DLX2: variants seen among roughly 807,000 people sequenced by gnomAD.
DLX2 encodes the protein distal-less homeobox 2.
DLX2 carries 8 observed loss-of-function variants against 27.4 expected under a neutral mutation model. That is an observed-to-expected ratio of 0.29 (90% confidence interval 0.17 to 0.53). The LOEUF (loss-of-function observed/expected upper bound fraction) is 0.53. DLX2 is among the 20% of genes least tolerant of loss of function. The pLI is 0.96. For missense variants in DLX2, 421 were observed against 450.9 expected (o/e 0.93, Z 0.60); for synonymous variants, 210 against 200.8 (o/e 1.05, Z -0.39).
In DLX2 at chr2:172,102,200, G is replaced by T. The variant is rs143444914; in HGVS notation, c.339C>A (p.Thr113=). The change falls in exon 1 of 3, where the codon ACC becomes ACA. Residue 113 remains threonine, a synonymous_variant. Transcript: ENST00000234198. The stretch of plus-strand genomic sequence containing the variant: ...AGGGAGCGTAGGAGGTGTAGGCGGC[G>T]GTGTAGCCCAGGTCATAGCTGCTCT... The part of the protein sequence containing the change: ...SAKSSYDLGY[T]AAYTSYAPYG... The T allele has an allele frequency of 9.9e-6, 16 of 1,614,210 alleles. No individual in the cohort carries two copies. In the African/African-American group the frequency reaches 1.1e-4, roughly 11 times the overall value.
chr2:172,102,081 C>A, intron 1 of DLX2, 58 bp downstream of exon 1: 1 of 1,558,294 alleles, frequency 6.4e-7, no homozygotes, highest in South Asian at 1.2e-5. Flanking sequence ...AACACGTTTA[C>A]CCATCCATCC....
rs1050559959 is a variant in DLX2 at position 172,102,449 on chromosome 2, C to T, written c.90G>A (p.Pro30=). ...SSTYHQHQQP[P]SGGGAGPGGN... ...CACCCGGGCCGGCGCCGCCGCCGCTCGGGGGCTGCTGGTGCTGGTGGTACG... is the reference window on the plus strand; with the variant it reads ...CACCCGGGCCGGCGCCGCCGCCGCTTGGGGGCTGCTGGTGCTGGTGGTACG... Residue 30 remains proline (P), a synonymous_variant, in exon 1 of 3, where the codon CCG becomes CCA. Coordinates refer to ENST00000234198, the MANE Select transcript of DLX2 (RefSeq NM_004405.4). The T allele has an allele frequency of 3.9e-6, 6 of 1,549,542 alleles. No homozygotes were observed. In the African/African-American group the frequency reaches 5.5e-5, roughly 14 times the overall value.
Position 172,102,442 on chromosome 2 carries a change from C to G in DLX2, c.97G>C (p.Gly33Arg), listed in dbSNP as rs1236798470. 2 of 1,549,566 alleles carry G rather than the reference C, an allele frequency of 1.3e-6. No homozygotes were observed. Among genetic ancestry groups the G allele is most frequent in the Non-Finnish European group, 1.7e-6 (2 of 1,146,490 alleles). ...CTGTTGCCACCCGGGCCGGCGCCGC[C>G]GCCGCTCGGGGGCTGCTGGTGCTGG... ...YHQHQQPPSG[G>R]GAGPGGNSSS... is the part of the protein sequence containing the mutation. The change falls in exon 1 of 3, where the codon GGC becomes CGC. Residue 33 changes from glycine to arginine, a missense_variant. Coordinates refer to ENST00000234198, the MANE Select transcript of DLX2 (RefSeq NM_004405.4).
chr2:172,102,092 C>T (rs766272485), intron 1 of DLX2, 47 bp downstream of exon 1: 17 of 1,581,048 alleles, frequency 1.1e-5, no homozygotes, highest in Non-Finnish European at 1.5e-5. Flanking sequence ...CCATCCATCC[C>T]ATTAACTAGA....
chr2:172,102,197 G>A lies in DLX2; in HGVS notation c.342C>T (p.Ala114=), dbSNP rs780423968. Residue 114 remains alanine, a synonymous_variant, in exon 1 of 3, where the codon GCC becomes GCT. Coordinates refer to ENST00000234198, the MANE Select transcript of DLX2 (RefSeq NM_004405.4). ...AKSSYDLGYT[A]AYTSYAPYGT... is the part of the protein sequence containing the mutation. ...CATAGGGAGCGTAGGAGGTGTAGGC[G>A]GCGGTGTAGCCCAGGTCATAGCTGC... 1.9e-6 allele frequency: 3 copies of A among 1,613,128 alleles called. No homozygotes were observed. The highest frequency in any genetic ancestry group is 2.2e-5 in the South Asian group (2 of 91,046).
rs943977596 is a variant in DLX2 at position 172,102,694 on chromosome 2, CGG to C, written c.-158_-157del. 1.2e-5 allele frequency: 8 copies of C among 688,308 alleles called. No individual in the cohort carries two copies. The African/African-American group carries it at 1.5e-4, about 13-fold the overall frequency. 42.6% of individuals were successfully genotyped at this position (688,308 alleles called of 1,614,324 possible). A position where few individuals can be genotyped will look rare whatever the true frequency, so the allele number is the denominator to read the frequency against. Reference sequence around the variant, plus strand: ...GCAACCGTCTAGGCGCCTCCTCCTCCGGGGGAGGCGATCACCGTGCGCTGCTC... The same window carrying C: ...GCAACCGTCTAGGCGCCTCCTCCTCCGGGAGGCGATCACCGTGCGCTGCTC... On this transcript the variant is annotated 5_prime_UTR_variant, in exon 1 of 3. Transcript: ENST00000234198.
intron 1 of DLX2, 36 bp from the exon 2 acceptor site, chr2:172,101,682 C>A (rs775195005): frequency 6.2e-7 from 1 of 1,604,450 alleles, no homozygotes; most frequent in East Asian, 2.2e-5. Context: ...CAGCGCAACC[C>A]AGGGGTCCTG....
Position 172,100,737 on chromosome 2 carries a change from A to AGCTGCCGGCGCC in DLX2, c.781_792dup (p.Gly261_Ser264dup). 1.3e-6 allele frequency: 2 copies of AGCTGCCGGCGCC among 1,549,500 alleles called. No homozygotes were observed. Among genetic ancestry groups the AGCTGCCGGCGCC allele is most frequent in the Non-Finnish European group, 1.7e-6 (2 of 1,152,554 alleles). On this transcript the variant is annotated inframe_insertion, in exon 3 of 3. Coordinates refer to ENST00000234198, the MANE Select transcript of DLX2 (RefSeq NM_004405.4). This position sits in a 1 kb window ranked among gnomAD's most constrained non-coding sequence, Gnocchi z 4.5. ...GCCGCGCTGCTCGGGCTGGAGCCCG[A>AGCTGCCGGCGCC]GCTGCCGGCGCCGCTGCCGCCACTG...
Position 172,100,888 on chromosome 2 carries a change from A to G in DLX2, c.642T>C (p.Gly214=). ...RSKFKKMWKS[G]EIPSEQHPGA... ...CAGGGTGCTGCTCCGAGGGGATCTCACCACTTTTCCACATCTTCTTGAACT... is the reference window on the plus strand; with the variant it reads ...CAGGGTGCTGCTCCGAGGGGATCTCGCCACTTTTCCACATCTTCTTGAACT... The change falls in exon 3 of 3, where the codon GGT becomes GGC. Residue 214 remains glycine, a synonymous_variant. Coordinates refer to ENST00000234198, the MANE Select transcript of DLX2 (RefSeq NM_004405.4). This position sits in a 1 kb window ranked among gnomAD's most constrained non-coding sequence, Gnocchi z 4.5. 1 of 1,612,922 alleles carries G rather than the reference A, an allele frequency of 6.2e-7. No individual in the cohort carries two copies. Among genetic ancestry groups the G allele is most frequent in the South Asian group, 1.1e-5 (1 of 91,050 alleles).
Position 172,102,720 on chromosome 2 carries a change from T to C in DLX2, c.-182A>G. On this transcript the variant is annotated 5_prime_UTR_variant, in exon 1 of 3. Coordinates refer to ENST00000234198, the MANE Select transcript of DLX2 (RefSeq NM_004405.4). ...GGGGGAGGCGATCACCGTGCGCTGC[T>C]CGGGACAGCTGCCTCTGGTCGCATC... The C allele has an allele frequency of 3.4e-6, 2 of 592,006 alleles. No homozygotes were observed. The highest frequency in any genetic ancestry group is 3.2e-5 in the East Asian group (1 of 31,570). 36.7% of individuals were successfully genotyped at this position (592,006 alleles called of 1,614,324 possible). A position where few individuals can be genotyped will look rare whatever the true frequency, so the allele number is the denominator to read the frequency against.
In DLX2 at chr2:172,100,993, C is replaced by A; in HGVS notation, c.586-49G>T. 6.4e-7 allele frequency: 1 copy of A among 1,568,708 alleles called. No homozygotes were observed. Among genetic ancestry groups the A allele is most frequent in the Admixed American group, 2.0e-5 (1 of 50,552 alleles). On this transcript the variant is annotated intron_variant, in intron 2 of 2. Transcript: ENST00000234198. The surrounding 1 kb of genome is among the most constrained non-coding windows in gnomAD (Gnocchi z 4.5). ...TTAGTGGAGGAACCTAGTCTTGGGG[C>A]AGTAGGGGTTCGAAGAGGAGAAAAA...
Position 172,100,997 on chromosome 2 carries a change from A to AG in DLX2, c.586-54dup, listed in dbSNP as rs1691144623. 1 of 1,560,476 alleles carries AG rather than the reference A, an allele frequency of 6.4e-7. No homozygotes were observed. Among genetic ancestry groups the AG allele is most frequent in the African/African-American group, 1.4e-5 (1 of 71,668 alleles). On this transcript the variant is annotated intron_variant, in intron 2 of 2. Coordinates refer to ENST00000234198, the MANE Select transcript of DLX2 (RefSeq NM_004405.4). This position sits in a 1 kb window ranked among gnomAD's most constrained non-coding sequence, Gnocchi z 4.5. ...TGGAGGAACCTAGTCTTGGGGCAGTAGGGGTTCGAAGAGGAGAAAAAAGAA... is the reference window on the plus strand; with the variant it reads ...TGGAGGAACCTAGTCTTGGGGCAGTAGGGGGTTCGAAGAGGAGAAAAAAGAA...
intron 1 of DLX2, among the ~76,000 whole-genome samples, 175 bp downstream of exon 1, chr2:172,101,964 G>A (rs1358113655): frequency 1.3e-5 from 2 of 152,240 alleles, no homozygotes; most frequent in East Asian, 3.8e-4. Context: ...AGAGAGGGAC[G>A]TAACCGGCGA....
chr2:172,101,677 C>A, intron 1 of DLX2, 31 bp from the exon 2 acceptor site: 1 of 1,608,328 alleles, frequency 6.2e-7, no homozygotes, highest in South Asian at 1.1e-5. Context: ...AAGAACAGCG[C>A]AACCCAGGGG....
Position 172,100,301 on chromosome 2 carries a change from G to A in DLX2, c.*242C>T, listed in dbSNP as rs1691129198. The A allele has an allele frequency of 4.8e-6, 2 of 421,006 alleles. No homozygotes were observed. The highest frequency in any genetic ancestry group is 8.3e-6 in the Non-Finnish European group (2 of 241,408). 26.1% of individuals were successfully genotyped at this position (421,006 alleles called of 1,614,324 possible). ...GGGGCTCGAAACAGCCGAGACCCGG[G>A]GCTCAGGTCAGAAATGCGGCCTTTT... On this transcript the variant is annotated 3_prime_UTR_variant, in exon 3 of 3. Transcript: ENST00000234198. The surrounding 1 kb of genome is among the most constrained non-coding windows in gnomAD (Gnocchi z 4.5).
chr2:172,102,497 C>T lies in DLX2; in HGVS notation c.42G>A (p.Ser14=). 6.5e-7 allele frequency: 1 copy of T among 1,548,596 alleles called. No individual in the cohort carries two copies. Among genetic ancestry groups the T allele is most frequent in the Non-Finnish European group, 8.7e-7 (1 of 1,146,446 alleles). Residue 14 remains serine, a synonymous_variant, in exon 1 of 3, where the codon TCG becomes TCA. Transcript: ENST00000234198. ...ACGTGCTGGAGGCGGCGATCTGGGT[C>T]GAGTGCATATCAGCCACTAGACTGT... ...VFDSLVADMH[S]TQIAASSTYH... is the part of the protein sequence containing the mutation.
At chr2:172,101,178 G>A (rs1438222461) in intron 2 of DLX2, 3 of 614,924 alleles carry the variant, frequency 4.9e-6, no homozygotes, top group Non-Finnish European at 8.4e-6. Context: ...CTGTGATGAT[G>A]GTGACAGCGG....
chr2:172,100,831 C>G lies in DLX2; in HGVS notation c.699G>C (p.Pro233=). 6.2e-7 allele frequency: 1 copy of G among 1,610,778 alleles called. No homozygotes were observed. The highest frequency in any genetic ancestry group is 8.5e-7 in the Non-Finnish European group (1 of 1,179,102). Residue 233 remains proline (P), a synonymous_variant, in exon 3 of 3, where the codon CCG becomes CCC. Transcript: ENST00000234198. This position sits in a 1 kb window ranked among gnomAD's most constrained non-coding sequence, Gnocchi z 4.5. ...GASASPPCAS[P]PVSAPASWDF... ...CCCAGGAGGCCGGCGCTGAGACTGG[C>G]GGCGAAGCACAAGGTGGAGAAGCGC...
At position 172,102,262 on chromosome 2, in the gene DLX2, G is replaced by T. The variant is rs138602104; in HGVS notation, c.277C>A (p.Gln93Lys). 1 of 1,614,042 alleles carries T rather than the reference G, an allele frequency of 6.2e-7. No individual in the cohort carries two copies. The highest frequency in any genetic ancestry group is 1.3e-5 in the African/African-American group (1 of 74,932). The change falls in exon 1 of 3, where the codon CAA becomes AAA. Residue 93 changes from glutamine to lysine, a missense_variant. Transcript: ENST00000234198. ...GGGACGTTGTTGAGGCCGCTGGCTT[G>T]GTACTGGTAGGAACCCATGTGCGCG... The part of the protein sequence containing the change: ...PYAHMGSYQY[Q>K]ASGLNNVPYS...
Sources: allele counts gnomAD v4.1 joint callset (sites outside exome capture counted in the v4.1 genomes callset), GRCh38; gene constraint gnomAD v4.1.1; non-coding constraint Gnocchi (gnomAD v3.1); transcripts MANE v1.5; gene names NCBI Gene and HGNC (gene_info 2026-07-23, HGNC 2026-07-21).